The following PCDH7 variants were observed in gnomAD, a reference collection of about 807,000 sequenced individuals.
The protein encoded by PCDH7 is protocadherin-7.
In PCDH7, 17 loss-of-function variants were observed where a neutral mutation model predicts 58.9. That is an observed-to-expected ratio of 0.29 (90% CI 0.20 to 0.43). The LOEUF (loss-of-function observed/expected upper bound fraction) is 0.43, where lower values mean the gene tolerates loss of function less well. Among genes scored for constraint, PCDH7 ranks in the 20% least tolerant of loss-of-function variants. PCDH7 has a pLI of 1.00. For missense variants in PCDH7, 1,274 were observed against 1,441.0 expected (o/e 0.88, Z 1.88); for synonymous variants, 664 against 616.4 (o/e 1.08, Z -1.14).
chr4:30,787,066 C>T (rs1044606293), intron 1 of PCDH7, among the ~76,000 whole-genome samples: 1 of 152,100 alleles, frequency 6.6e-6, no homozygotes, highest in South Asian at 2.1e-4. Context: ...TTATCAATTA[C>T]TGTGGGGAAA....
At position 30,814,120 on chromosome 4, in the gene PCDH7, G is replaced by C. The variant is rs192368578; in HGVS notation, c.70+89524G>C. Among the ~76,000 whole-genome samples the C allele has an allele frequency of 2.0e-3, 298 of 151,712 alleles. 2 individuals carry two copies. The highest frequency in any genetic ancestry group is 6.6e-3 in the African/African-American group (272 of 41,348). On this transcript the variant is annotated intron_variant, in intron 1 of 3. Coordinates refer to the PCDH7 transcript ENST00000509759. ...TGTATTTATGTATATTTACAGATAG[G>C]TAACATTTATTTATTTTACATATAG...
chr4:31,066,616 C>T (rs985718497), intron 3 of PCDH7, among the ~76,000 whole-genome samples: 3 of 151,830 alleles, frequency 2.0e-5, no homozygotes, highest in South Asian at 2.1e-4. Context: ...TCACCTCCCC[C>T]TTTGGAATTT....
chr4:31,131,626 A>AT (rs11422769), intron 3 of PCDH7, among the ~76,000 whole-genome samples: 85,150 of 151,904 alleles, frequency 0.56, 27,351 homozygotes, highest in African/African-American at 0.88. Flanking sequence ...AGAGGTTGAA[A>AT]TTTTGTCTTT....
intron 3 of PCDH7, among the ~76,000 whole-genome samples, chr4:31,017,645 A>G (rs1191289918): frequency 6.6e-6 from 1 of 152,164 alleles, no homozygotes; most frequent in African/African-American, 2.4e-5. Context: ...ACCAAAAAGC[A>G]ACAATAATGA....
intron 1 of PCDH7, among the ~76,000 whole-genome samples, chr4:30,850,420 C>A (rs1224936193): frequency 1.3e-5 from 2 of 152,014 alleles, no homozygotes; most frequent in Non-Finnish European, 2.9e-5. Flanking sequence ...CTAGAAATAG[C>A]TTTAGGGATA....
chr4:30,801,704 A>G (rs1386855802), intron 1 of PCDH7, among the ~76,000 whole-genome samples: 1 of 152,208 alleles, frequency 6.6e-6, no homozygotes, highest in East Asian at 1.9e-4. Flanking sequence ...ATGAAGTGGA[A>G]CTCACAAGGT....
intron 1 of PCDH7, among the ~76,000 whole-genome samples, chr4:30,878,881 T>G (rs1335095485): frequency 6.6e-6 from 1 of 152,002 alleles, no homozygotes; most frequent in Non-Finnish European, 1.5e-5. Flanking sequence ...AGGAAATACC[T>G]TTCCATTATT....
intron 1 of PCDH7, among the ~76,000 whole-genome samples, chr4:30,725,896 G>A (rs1042198130): frequency 2.0e-5 from 3 of 151,966 alleles, no homozygotes; most frequent in Non-Finnish European, 4.4e-5. Context: ...TCTGTATATA[G>A]TACTTTACTG....
At chr4:31,140,608 TA>T (rs34075687) in intron 3 of PCDH7, among the ~76,000 whole-genome samples, 1,539 of 119,636 alleles carry the variant, frequency 0.013, 15 homozygotes, top group African/African-American at 0.036. Context: ...TAGGTCAGGT[TA>T]AAAAAAAAAA....
At chr4:30,738,248 A>G (rs944869937) in intron 1 of PCDH7, among the ~76,000 whole-genome samples, 3 of 152,292 alleles carry the variant, frequency 2.0e-5, no homozygotes, top group African/African-American at 7.2e-5. Flanking sequence ...GCAAAAACAC[A>G]TTGGACTGGA....
intron 3 of PCDH7, among the ~76,000 whole-genome samples, chr4:31,066,041 G>C (rs910466334): frequency 6.6e-6 from 1 of 151,722 alleles, no homozygotes; most frequent in Non-Finnish European, 1.5e-5. Context: ...ATATATAAGT[G>C]TTCCTTCTAT....
intron 3 of PCDH7, among the ~76,000 whole-genome samples, chr4:31,040,085 T>A (rs1755728539): frequency 6.6e-6 from 1 of 152,222 alleles, no homozygotes; most frequent in Non-Finnish European, 1.5e-5. Flanking sequence ...ATCAACTTTA[T>A]TGAAATAATG....
intron 1 of PCDH7, among the ~76,000 whole-genome samples, chr4:30,804,765 GA>G (rs1725973264): frequency 2.0e-5 from 3 of 152,154 alleles, no homozygotes; most frequent in Non-Finnish European, 4.4e-5. Flanking sequence ...TATATCGCCA[GA>G]AACAGACTAA....
intron 1 of PCDH7, among the ~76,000 whole-genome samples, chr4:30,790,486 AT>A (rs1723973285): frequency 6.6e-6 from 1 of 152,202 alleles, no homozygotes; most frequent in South Asian, 2.1e-4. Flanking sequence ...GCAGAGAGGA[AT>A]TTTATGGTTC....
At chr4:31,078,379 C>G (rs6840381) in intron 3 of PCDH7, among the ~76,000 whole-genome samples, 5,034 of 152,132 alleles carry the variant, frequency 0.033, 254 homozygotes, top group African/African-American at 0.11. Context: ...AACTTCTGGG[C>G]TCCAGTGATC....
intron 2 of PCDH7, among the ~76,000 whole-genome samples, chr4:30,943,909 A>G (rs1392825069): frequency 6.6e-6 from 1 of 152,076 alleles, no homozygotes; most frequent in Non-Finnish European, 1.5e-5. Context: ...AGCTCTTTGC[A>G]TAACACATCT....
At chr4:31,005,659 C>A (rs1310899274) in intron 3 of PCDH7, among the ~76,000 whole-genome samples, 1 of 152,072 alleles carries the variant, frequency 6.6e-6, no homozygotes, top group African/African-American at 2.4e-5. Context: ...AAGATTTTAA[C>A]CGTTTTGCAA....
chr4:30,880,076 A>C (rs921415753), intron 1 of PCDH7, among the ~76,000 whole-genome samples: 1 of 152,116 alleles, frequency 6.6e-6, no homozygotes, highest in Non-Finnish European at 1.5e-5. Flanking sequence ...GGAATATTTA[A>C]TGGAATGTCC....
At chr4:30,985,087 G>T (rs1012932305) in intron 3 of PCDH7, among the ~76,000 whole-genome samples, 1 of 152,102 alleles carries the variant, frequency 6.6e-6, no homozygotes, top group Non-Finnish European at 1.5e-5. Flanking sequence ...CTGCCCAGTA[G>T]CTGGGATTAC....
Sources: gnomAD v4.1 joint callset for allele counts (sites outside exome capture counted in the v4.1 genomes callset) on GRCh38, gnomAD v4.1.1 for gene constraint, MANE v1.5 for transcripts, NCBI Gene and HGNC (gene_info 2026-07-23, HGNC 2026-07-21) for gene names.